The following MRPL3 variants were observed in gnomAD, a reference collection of about 807,000 sequenced individuals.
MRPL3 encodes the protein mitochondrial ribosomal protein L3, also known as large ribosomal subunit protein uL3m.
MRPL3 carries 43 observed loss-of-function variants against 44.3 expected under a neutral mutation model. That is an observed-to-expected ratio of 0.97 (90% confidence interval 0.76 to 1.25). The LOEUF (loss-of-function observed/expected upper bound fraction) is 1.25, where lower values mean the gene tolerates loss of function less well. Among genes scored for constraint, MRPL3 ranks in the 50% most tolerant of loss-of-function variants. The pLI is 0.00. For missense variants in MRPL3, 406 were observed against 427.6 expected, an observed-to-expected ratio of 0.95 and a Z score of 0.45; for synonymous variants, 171 against 152.3, an observed-to-expected ratio of 1.12 and a Z score of -0.91.
Position 131,471,006 on chromosome 3 carries a change from C to T in MRPL3, c.738+165G>A, listed in dbSNP as rs149013101. 8.5e-5 allele frequency among the ~76,000 whole-genome samples: 13 copies of T among 152,212 alleles called. No individual in the cohort carries two copies. The East Asian group carries it at 2.1e-3, about 25-fold the overall frequency. ...GAATATAACTAATTCTAGTCTGGCT[C>T]TGGGAAATGAGTGAGGGGCAAGGAT... On this transcript the variant is annotated intron_variant, in intron 7 of 9. Transcript: ENST00000264995.
Position 131,487,714 on chromosome 3 carries a change from G to C in MRPL3, c.595C>G (p.Arg199Gly), listed in dbSNP as rs376536556. 6.2e-7 allele frequency: 1 copy of C among 1,611,154 alleles called. No individual in the cohort carries two copies. Among genetic ancestry groups the C allele is most frequent in the Non-Finnish European group, 8.5e-7 (1 of 1,179,264 alleles). The change falls in exon 6 of 10, where the codon CGT becomes GGT. Residue 199 changes from arginine to glycine, a missense_variant. Transcript: ENST00000264995. ...PGTPLYAAHF[R>G]PGQYVDVTAK... ...GTGACATCCACATACTGTCCTGGAC[G>C]AAAGTGAGCAGCATAAAGAGGAGTG...
At chr3:131,464,971 C>G (rs565734251) in intron 9 of MRPL3, among the ~76,000 whole-genome samples, 3 of 152,194 alleles carry the variant, frequency 2.0e-5, no homozygotes, top group Non-Finnish European at 4.4e-5. Flanking sequence ...AGTGAAAGGA[C>G]ATAGCAAGTT....
At chr3:131,488,441 C>T (rs1207322173) in intron 5 of MRPL3, among the ~76,000 whole-genome samples, 1 of 152,032 alleles carries the variant, frequency 6.6e-6, no homozygotes, top group African/African-American at 2.4e-5. Flanking sequence ...AATCAAAGCC[C>T]TTCATAATAT....
rs189455953 is a variant in MRPL3, at chr3:131,472,033, G to A, written c.630-754C>T. 2.2e-4 allele frequency among the ~76,000 whole-genome samples: 33 copies of A among 152,248 alleles called. 1 individual carries two copies. The highest frequency in any genetic ancestry group is 7.0e-4 in the African/African-American group (29 of 41,560). On this transcript the variant is annotated intron_variant, in intron 6 of 9. Transcript: ENST00000264995. ...CTGGCTGATGCTTGACTGCAGCTTT[G>A]GGAGAGACCCCAAGTCAGAGGCATC...
At chr3:131,502,681 C>G (rs1025235203) in intron 1 of MRPL3, 49 bp downstream of exon 1, 2 of 1,518,382 alleles carry the variant, frequency 1.3e-6, no homozygotes. Flanking sequence ...GGCCATTCCA[C>G]TGCTTCAGGA....
At chr3:131,478,247 T>C (rs1462004993) in intron 6 of MRPL3, among the ~76,000 whole-genome samples, 2 of 152,166 alleles carry the variant, frequency 1.3e-5, no homozygotes, top group African/African-American at 2.4e-5. Flanking sequence ...CTGGCAAGAA[T>C]TTTGCCATGA....
rs1934510109 is a variant in MRPL3 at position 131,501,995 on chromosome 3, T to C, written c.93-280A>G. The C allele has an allele frequency of 1.6e-5, 21 of 1,275,854 alleles. No individual in the cohort carries two copies. The South Asian group carries it at 2.8e-4, about 17-fold the overall frequency. The allele number at this position is 1,275,854 out of a possible 1,614,324, so 79.0% of individuals were successfully genotyped here. On this transcript the variant is annotated intron_variant, in intron 1 of 9. Transcript: ENST00000264995. ...CAAAAAACAGTCCTACCTATAGACA[T>C]GAAAAGCCACTAACCCATTTGGAAG...
At chr3:131,476,384 TAAAAC>T (rs1036228129) in intron 6 of MRPL3, among the ~76,000 whole-genome samples, 1 of 152,018 alleles carries the variant, frequency 6.6e-6, no homozygotes, top group African/African-American at 2.4e-5. Flanking sequence ...AGAACAAAAA[TAAAAC>T]AAAAGCAAGA....
chr3:131,494,264 A>G (rs1190109651), intron 4 of MRPL3, among the ~76,000 whole-genome samples: 1 of 152,158 alleles, frequency 6.6e-6, no homozygotes, highest in African/African-American at 2.4e-5. Flanking sequence ...ATTCTCTATT[A>G]TTTTATTTCC....
At chr3:131,500,318 T>C (rs1160024860) in intron 3 of MRPL3, 112 bp downstream of exon 3, 1 of 818,456 alleles carries the variant, frequency 1.2e-6, no homozygotes, top group Non-Finnish European at 2.0e-6. Context: ...ACATCACCCC[T>C]TTCTTCACCA....
In MRPL3 at chr3:131,500,428, A is replaced by C. The variant is rs550834383; in HGVS notation, c.369+2T>G. ...CTCTTACGTCTTCTGTTTCTCTCTT[A>C]CCTGAAGTAATGTGACCACATGCTT... is the stretch of plus-strand genomic sequence containing the variant. On this transcript the variant is annotated splice_donor_variant, in intron 3 of 9. Coordinates refer to ENST00000264995, the MANE Select transcript of MRPL3 (RefSeq NM_007208.4). LOFTEE classifies it high-confidence loss of function. 1.9e-6 allele frequency: 3 copies of C among 1,610,572 alleles called. No individual in the cohort carries two copies. In the South Asian group the frequency reaches 3.3e-5, roughly 18 times the overall value.
chr3:131,501,719 T>C lies in MRPL3; in HGVS notation c.93-4A>G. ...AACAAAAAGCCAGATGTGTGTTCTATAAAAAGAAAAAATAAATAAAACCAA... is the reference window on the plus strand; with the variant it reads ...AACAAAAAGCCAGATGTGTGTTCTACAAAAAGAAAAAATAAATAAAACCAA... On this transcript the variant is annotated splice_region_variant and splice_polypyrimidine_tract_variant and intron_variant, in intron 1 of 9. Transcript: ENST00000264995. 3 of 1,598,104 alleles carry C rather than the reference T, an allele frequency of 1.9e-6. No homozygotes were observed. The highest frequency in any genetic ancestry group is 2.6e-6 in the Non-Finnish European group (3 of 1,174,980).
rs374462014 is a variant in MRPL3, at chr3:131,462,851, A to G, written c.919T>C (p.Tyr307His). ...VKVKDSKLPA[Y>H]KDLGKNLPFP... Reference sequence around the variant, plus strand: ...GGTAGATTTTTACCGAGATCCTTATATGCAGGCAGTTTAGAATCTTTGACC... The same window carrying G: ...GGTAGATTTTTACCGAGATCCTTATGTGCAGGCAGTTTAGAATCTTTGACC... The change falls in exon 10 of 10, where the codon TAT becomes CAT. Residue 307 changes from tyrosine (Y) to histidine (H), a missense_variant. Physicochemically the swap from Tyr to His is moderately conservative, Grantham distance 83. Transcript: ENST00000264995. 2 of 1,612,068 alleles carry G rather than the reference A, an allele frequency of 1.2e-6. No homozygotes were observed. Among genetic ancestry groups the G allele is most frequent in the Non-Finnish European group, 1.7e-6 (2 of 1,178,692 alleles).
At position 131,490,052 on chromosome 3, in the gene MRPL3, C is replaced by T. The variant is rs764942168; in HGVS notation, c.497G>A (p.Arg166Gln). ...CTGTTTCGGCGGCAATCCAAGTTCC[C>T]GGTAAAATTCCAATATGGATGTAGC... The part of the protein sequence containing the change: ...RKATSILEFY[R>Q]ELGLPPKQTV... Residue 166 changes from arginine to glutamine, a missense_variant, in exon 5 of 10, where the codon CGG (arginine) becomes CAG (glutamine). Physicochemically the swap from Arg to Gln is conservative, Grantham distance 43. Transcript: ENST00000264995. 1.8e-5 allele frequency: 29 copies of T among 1,610,196 alleles called. No individual in the cohort carries two copies. Among genetic ancestry groups the T allele is most frequent in the East Asian group, 2.2e-5 (1 of 44,828 alleles).
At chr3:131,493,683 C>G (rs1934306119) in intron 4 of MRPL3, among the ~76,000 whole-genome samples, 1 of 152,224 alleles carries the variant, frequency 6.6e-6, no homozygotes, top group Non-Finnish European at 1.5e-5. Flanking sequence ...CACGACGTTA[C>G]TGTGTTTGTG....
At chr3:131,480,289 A>G (rs989805221) in intron 6 of MRPL3, among the ~76,000 whole-genome samples, 1 of 152,168 alleles carries the variant, frequency 6.6e-6, no homozygotes, top group African/African-American at 2.4e-5. Flanking sequence ...TGCTGTCTAA[A>G]CCTACTTGAT....
chr3:131,475,359 A>G (rs1933832984), intron 6 of MRPL3, among the ~76,000 whole-genome samples: 1 of 152,132 alleles, frequency 6.6e-6, no homozygotes, highest in Non-Finnish European at 1.5e-5. Flanking sequence ...TCAAAAATCC[A>G]CTCTAAAAAT....
In MRPL3 at chr3:131,469,698, TCAGTC is replaced by T. The variant is rs748167902; in HGVS notation, c.809_813del (p.Gly270GlufsTer22). The T allele has an allele frequency of 1.2e-6, 2 of 1,607,194 alleles. No individual in the cohort carries two copies. The highest frequency in any genetic ancestry group is 1.7e-5 in the Admixed American group (1 of 59,242). Reference sequence around the variant, plus strand: ...AAAGAACCACTTGTAACACTTACTTTCAGTCCATATTCTGTCCTGTATATGTTTCC... The same window carrying T: ...AAAGAACCACTTGTAACACTTACTTTCATATTCTGTCCTGTATATGTTTCC... On this transcript the variant is annotated frameshift_variant, in exon 8 of 10. Transcript: ENST00000264995. LOFTEE classifies it high-confidence loss of function.
Position 131,471,207 on chromosome 3 carries a change from C to T in MRPL3, c.702G>A (p.Thr234=), listed in dbSNP as rs1304999976. Residue 234 remains threonine (T), a synonymous_variant, in exon 7 of 10, where the codon ACG becomes ACA. Coordinates refer to ENST00000264995, the MANE Select transcript of MRPL3 (RefSeq NM_007208.4). ...CAGCTCCAGGTCTCCTGTGGGTTTT[C>T]GTTTGACCATGCGTAGCAGGCTGGC... ...FKGQPATHGQ[T]KTHRRPGAVA... is the part of the protein sequence containing the mutation. The T allele has an allele frequency of 6.8e-6, 11 of 1,613,334 alleles. No individual in the cohort carries two copies. The highest frequency in any genetic ancestry group is 2.2e-5 in the East Asian group (1 of 44,880).
Sources: gnomAD v4.1 joint callset for allele counts (sites outside exome capture counted in the v4.1 genomes callset) on GRCh38, gnomAD v4.1.1 for gene constraint, MANE v1.5 for transcripts, NCBI Gene and HGNC (gene_info 2026-07-23, HGNC 2026-07-21) for gene names.